The following EFNA5 variants were observed in gnomAD, a reference collection of about 807,000 sequenced individuals.
EFNA5 encodes the protein ephrin-A5.
In EFNA5, 5 loss-of-function variants were observed where a neutral mutation model predicts 22.9. The observed-to-expected ratio is 0.22, with a 90% CI of 0.11 to 0.46. The LOEUF is 0.46. EFNA5 is among the 20% of genes least tolerant of loss of function. The pLI is 0.99. For synonymous variants in EFNA5, 113 were observed against 112.2 expected (o/e 1.01, Z -0.04); for missense variants, 237 against 293.3 (o/e 0.81, Z 1.40).
At chr5:107,520,317 C>T (rs1014731487) in intron 1 of EFNA5, among the ~76,000 whole-genome samples, 14 of 152,194 alleles carry the variant, frequency 9.2e-5, no homozygotes, top group Middle Eastern at 3.4e-3. Flanking sequence ...AAGGGTGGGG[C>T]CCTTCACTCT....
chr5:107,635,119 G>T (rs887077471), intron 1 of EFNA5, among the ~76,000 whole-genome samples: 3 of 152,152 alleles, frequency 2.0e-5, no homozygotes, highest in Admixed American at 2.0e-4. Context: ...TTTCCAGAAG[G>T]CTTCAGGTTT....
intron 1 of EFNA5, among the ~76,000 whole-genome samples, chr5:107,599,720 G>C (rs942446820): frequency 6.6e-6 from 1 of 152,204 alleles, no homozygotes; most frequent in Admixed American, 6.5e-5. Context: ...ATAGGGCATG[G>C]AACAAAACTT....
At chr5:107,484,724 G>A (rs1746546819) in intron 1 of EFNA5, among the ~76,000 whole-genome samples, 1 of 152,108 alleles carries the variant, frequency 6.6e-6, no homozygotes, top group Non-Finnish European at 1.5e-5. Flanking sequence ...GTGAGATACT[G>A]TATCTAACAC....
chr5:107,670,583 A>C lies in EFNA5; in HGVS notation c.31T>G (p.Phe11Val), dbSNP rs1751172592. 2 of 1,603,584 alleles carry C rather than the reference A, an allele frequency of 1.2e-6. No individual in the cohort carries two copies. The highest frequency in any genetic ancestry group is 1.7e-6 in the Non-Finnish European group (2 of 1,175,650). Reference sequence around the variant, plus strand: ...AACACACACATCCAGAGCACCAGAAACACCAGCGTCAACATCTCCACGTGC... The same window carrying C: ...AACACACACATCCAGAGCACCAGAACCACCAGCGTCAACATCTCCACGTGC... MLHVEMLTLV[F>V]LVLWMCVFSQ... Residue 11 changes from phenylalanine (F) to valine (V), a missense_variant, in exon 1 of 5, where the codon TTT becomes GTT. Coordinates refer to ENST00000333274, the MANE Select transcript of EFNA5 (RefSeq NM_001962.3).
chr5:107,564,273 T>C (rs1007761579), intron 1 of EFNA5, among the ~76,000 whole-genome samples: 13 of 152,286 alleles, frequency 8.5e-5, no homozygotes, highest in Non-Finnish European at 1.5e-4. Flanking sequence ...GAACTTCTTG[T>C]CTCTGTCTTG....
intron 1 of EFNA5, among the ~76,000 whole-genome samples, chr5:107,562,700 C>T (rs968805169): frequency 5.9e-5 from 9 of 152,086 alleles, no homozygotes; most frequent in Admixed American, 2.6e-4. Flanking sequence ...GTGTTGAGTA[C>T]CTACTGTGCA....
At chr5:107,615,629 C>T (rs527753787) in intron 1 of EFNA5, among the ~76,000 whole-genome samples, 3 of 152,264 alleles carry the variant, frequency 2.0e-5, no homozygotes, top group African/African-American at 7.2e-5. Flanking sequence ...CATTATGCAT[C>T]CTTTCCTCTC....
chr5:107,480,023 T>C (rs1041690087), intron 1 of EFNA5, among the ~76,000 whole-genome samples: 1 of 152,224 alleles, frequency 6.6e-6, no homozygotes, highest in Non-Finnish European at 1.5e-5. Flanking sequence ...GAAATCATAC[T>C]GATTTAATTC....
chr5:107,534,121 C>A (rs954531331), intron 1 of EFNA5, among the ~76,000 whole-genome samples: 3 of 152,194 alleles, frequency 2.0e-5, no homozygotes, highest in Admixed American at 6.5e-5. Flanking sequence ...GAATTCTGAT[C>A]TCCAAATATT....
intron 1 of EFNA5, among the ~76,000 whole-genome samples, chr5:107,627,199 T>C (rs1750160564): frequency 6.6e-6 from 1 of 152,200 alleles, no homozygotes; most frequent in Non-Finnish European, 1.5e-5. Context: ...TTAGAGTAAC[T>C]GGATGAATGA....
intron 1 of EFNA5, among the ~76,000 whole-genome samples, chr5:107,617,237 CAGAG>C (rs35218587): frequency 1.3e-4 from 19 of 144,530 alleles, no homozygotes; most frequent in Middle Eastern, 3.4e-3. Context: ...CACACACACA[CAGAG>C]AGAGAGAGAG....
chr5:107,597,632 G>C (rs927524138), intron 1 of EFNA5, among the ~76,000 whole-genome samples: 1 of 152,128 alleles, frequency 6.6e-6, no homozygotes, highest in African/African-American at 2.4e-5. Flanking sequence ...CAGAAAAAAA[G>C]TGTAGAAAAA....
Position 107,427,423 on chromosome 5 carries a change from T to C in EFNA5, c.212A>G (p.Glu71Gly). ...GAGGACATAGCGCTCAGTCTTATCT[T>C]CTGGGACGGAGTCCTCATAGTGAGG... is the stretch of plus-strand genomic sequence containing the variant. ...FCPHYEDSVPEDKTERYVLYM... is the reference protein window; with the variant it reads ...FCPHYEDSVPGDKTERYVLYM... The change falls in exon 2 of 5, where the codon GAA becomes GGA. Residue 71 changes from glutamate (E) to glycine (G), a missense_variant. By Grantham distance (98) the Glu-to-Gly change is moderately conservative. Coordinates refer to ENST00000333274, the MANE Select transcript of EFNA5 (RefSeq NM_001962.3). 2 of 1,614,084 alleles carry C rather than the reference T, an allele frequency of 1.2e-6. No homozygotes were observed. Among genetic ancestry groups the C allele is most frequent in the Non-Finnish European group, 1.7e-6 (2 of 1,180,000 alleles).
chr5:107,626,686 C>T (rs1422550338), intron 1 of EFNA5, among the ~76,000 whole-genome samples: 2 of 152,208 alleles, frequency 1.3e-5, no homozygotes, highest in Non-Finnish European at 2.9e-5. Flanking sequence ...AAACATAACT[C>T]TGGCATTACA....
intron 1 of EFNA5, among the ~76,000 whole-genome samples, chr5:107,478,516 A>G (rs1175841548): frequency 6.6e-6 from 1 of 152,206 alleles, no homozygotes; most frequent in Non-Finnish European, 1.5e-5. Context: ...ATGCAGCCAT[A>G]GCCATTAAGT....
chr5:107,461,273 A>C (rs1011535498), intron 1 of EFNA5, among the ~76,000 whole-genome samples: 7 of 152,182 alleles, frequency 4.6e-5, no homozygotes, highest in African/African-American at 1.7e-4. Context: ...TAATCACAAC[A>C]TCTAAGCAGT....
intron 1 of EFNA5, among the ~76,000 whole-genome samples, chr5:107,528,657 G>C (rs1747748454): frequency 6.6e-6 from 1 of 152,022 alleles, no homozygotes; most frequent in Admixed American, 6.6e-5. Context: ...AGCTAGAATG[G>C]TCTTCCTAAA....
chr5:107,650,168 C>T (rs74854315), intron 1 of EFNA5, among the ~76,000 whole-genome samples: 2 of 152,268 alleles, frequency 1.3e-5, no homozygotes, highest in East Asian at 3.9e-4. Context: ...TAACAACTTC[C>T]ACTGCAGAGG....
chr5:107,537,801 A>T (rs895323092), intron 1 of EFNA5, among the ~76,000 whole-genome samples: 12 of 152,338 alleles, frequency 7.9e-5, no homozygotes, highest in South Asian at 2.1e-4. Context: ...AGGGACAAAC[A>T]TCACGCTAAT....
Sources: gnomAD v4.1 joint callset for allele counts (sites outside exome capture counted in the v4.1 genomes callset) on GRCh38, gnomAD v4.1.1 for gene constraint, MANE v1.5 for transcripts, NCBI Gene and HGNC (gene_info 2026-07-23, HGNC 2026-07-21) for gene names.